PTPRG: variants seen among roughly 807,000 people sequenced by gnomAD.
PTPRG encodes the protein protein tyrosine phosphatase receptor type G.
PTPRG carries 102 observed loss-of-function variants against 165.3 expected under a neutral mutation model. That is an observed-to-expected ratio of 0.62 (90% CI 0.53 to 0.73). The LOEUF is 0.73. Among genes scored for constraint, PTPRG ranks in the 30% least tolerant of loss-of-function variants. The probability of loss-of-function intolerance (pLI) is 0.00; values close to 1 mark genes in which losing one functional copy is unlikely to be tolerated. For synonymous variants in PTPRG, 675 were observed against 669.5 expected (o/e 1.01, Z -0.13); for missense variants, 1,866 against 1,861.4 (o/e 1.00, Z -0.05).
intron 2 of PTPRG, among the ~76,000 whole-genome samples, chr3:61,801,456 T>C (rs2035238915): frequency 6.6e-6 from 1 of 151,624 alleles, no homozygotes; most frequent in African/African-American, 2.4e-5. Context: ...TACATAAATA[T>C]AATTTTTTTT....
At chr3:62,243,584 A>G (rs939426549) in intron 14 of PTPRG, 4 of 400,700 alleles carry the variant, frequency 1.0e-5, no homozygotes, top group Admixed American at 8.6e-5. Context: ...TTGAACTATC[A>G]GTTTGGATGC....
At chr3:61,657,510 A>T (rs960172538) in intron 1 of PTPRG, among the ~76,000 whole-genome samples, 7 of 152,118 alleles carry the variant, frequency 4.6e-5, no homozygotes, top group Admixed American at 3.3e-4. Flanking sequence ...CATGATGGTG[A>T]GCTCCTGTAG....
intron 2 of PTPRG, among the ~76,000 whole-genome samples, chr3:61,984,250 AG>A (rs1239247932): frequency 2.6e-5 from 4 of 152,226 alleles, no homozygotes; most frequent in Non-Finnish European, 5.9e-5. Context: ...AATGAGCTAT[AG>A]GTTAAGCTAA....
At chr3:61,931,607 T>C (rs1278120682) in intron 2 of PTPRG, among the ~76,000 whole-genome samples, 1 of 152,190 alleles carries the variant, frequency 6.6e-6, no homozygotes, top group Non-Finnish European at 1.5e-5. Flanking sequence ...AGAGCTGCCT[T>C]CCCACCCTCT....
At chr3:61,738,302 A>ATGTGTATATGTG (rs1559583352) in intron 1 of PTPRG, among the ~76,000 whole-genome samples, 1 of 81,518 alleles carries the variant, frequency 1.2e-5, no homozygotes, top group African/African-American at 4.6e-5. Context: ...ATATATATAT[A>ATGTGTATATGTG]TATATATATA....
chr3:61,830,004 A>G (rs1252080891), intron 2 of PTPRG, among the ~76,000 whole-genome samples: 1 of 152,228 alleles, frequency 6.6e-6, no homozygotes, highest in Non-Finnish European at 1.5e-5. Flanking sequence ...CTCACAGAAA[A>G]GAAGAGGAGA....
intron 1 of PTPRG, among the ~76,000 whole-genome samples, chr3:61,583,412 A>T (rs1281028555): frequency 6.6e-6 from 1 of 152,184 alleles, no homozygotes; most frequent in Non-Finnish European, 1.5e-5. Flanking sequence ...CATCTATAAG[A>T]TGGGATGATG....
At chr3:61,666,551 T>C (rs1292244986) in intron 1 of PTPRG, among the ~76,000 whole-genome samples, 6 of 152,138 alleles carry the variant, frequency 3.9e-5, no homozygotes, top group Non-Finnish European at 7.4e-5. Flanking sequence ...CCAGCCTTTG[T>C]AGGGTTGTGA....
chr3:62,156,139 C>T (rs1704529620), intron 6 of PTPRG, among the ~76,000 whole-genome samples: 2 of 152,196 alleles, frequency 1.3e-5, no homozygotes, highest in Non-Finnish European at 2.9e-5. Context: ...CCTTCCTGTC[C>T]CAGGGCCTTT....
At chr3:61,996,918 A>G (rs1362917133) in intron 3 of PTPRG, among the ~76,000 whole-genome samples, 5 of 152,198 alleles carry the variant, frequency 3.3e-5, no homozygotes, top group Admixed American at 2.6e-4. Flanking sequence ...CAAGTTCAGT[A>G]GTAGGAACTA....
At chr3:61,740,155 G>A (rs1470953174) in intron 1 of PTPRG, among the ~76,000 whole-genome samples, 1 of 152,170 alleles carries the variant, frequency 6.6e-6, no homozygotes, top group Non-Finnish European at 1.5e-5. Flanking sequence ...GAAAGTACAG[G>A]TCTGTGGCCT....
At chr3:62,202,619 G>GCTCCTGC (rs1198465403) in intron 11 of PTPRG, among the ~76,000 whole-genome samples, 1 of 152,194 alleles carries the variant, frequency 6.6e-6, no homozygotes, top group Admixed American at 6.5e-5. Context: ...GCAGAGCATG[G>GCTCCTGC]CTCCTGCCTC....
rs76580495 is a variant in PTPRG, at chr3:62,115,149, A to C, written c.616-17453A>C. Among the ~76,000 whole-genome samples, 851 of 152,170 alleles carry C rather than the reference A, an allele frequency of 5.6e-3. 12 individuals carry two copies. Among genetic ancestry groups the C allele is most frequent in the African/African-American group, 0.016 (656 of 41,508 alleles). ...CATGTTTCTCATCTCTTATCTTCCT[A>C]CCTCTTGATCCATACCTGAGTGACC... is the stretch of plus-strand genomic sequence containing the variant. On this transcript the variant is annotated intron_variant, in intron 5 of 29. Coordinates refer to ENST00000474889, the MANE Select transcript of PTPRG (RefSeq NM_002841.4).
In PTPRG at chr3:61,732,582, A is replaced by G. The variant is rs547807592; in HGVS notation, c.86-16296A>G. Among the ~76,000 whole-genome samples, 80 of 150,976 alleles carry G rather than the reference A, an allele frequency of 5.3e-4. 1 individual carries two copies. The highest frequency in any genetic ancestry group is 1.9e-3 in the African/African-American group (75 of 40,500). Reference sequence around the variant, plus strand: ...AAATTAGCCGCGCATGATGGCGAGCACCTGTAGTCCCAGCTACTCGGGAGG... The same window carrying G: ...AAATTAGCCGCGCATGATGGCGAGCGCCTGTAGTCCCAGCTACTCGGGAGG... On this transcript the variant is annotated intron_variant, in intron 1 of 29. Coordinates refer to ENST00000474889, the MANE Select transcript of PTPRG (RefSeq NM_002841.4).
At chr3:62,063,885 A>G (rs977633381) in intron 4 of PTPRG, among the ~76,000 whole-genome samples, 2 of 152,122 alleles carry the variant, frequency 1.3e-5, no homozygotes, top group African/African-American at 4.8e-5. Flanking sequence ...TAAAAGATAC[A>G]TGAAGAGTGA....
intron 6 of PTPRG, among the ~76,000 whole-genome samples, chr3:62,151,720 A>G (rs1704343816): frequency 6.6e-6 from 1 of 151,910 alleles, no homozygotes; most frequent in Non-Finnish European, 1.5e-5. Context: ...CTGGGACAGG[A>G]ATGTTTTGAA....
At chr3:61,605,531 C>G (rs917550866) in intron 1 of PTPRG, among the ~76,000 whole-genome samples, 10 of 151,932 alleles carry the variant, frequency 6.6e-5, no homozygotes, top group Non-Finnish European at 1.3e-4. Context: ...GCTAGGATTA[C>G]AGGTGTGAGC....
intron 5 of PTPRG, among the ~76,000 whole-genome samples, chr3:62,112,140 G>A (rs569541891): frequency 4.0e-4 from 60 of 151,254 alleles, no homozygotes; most frequent in African/African-American, 1.1e-3. Flanking sequence ...TCACTCTGTC[G>A]CCCACGCTGG....
intron 5 of PTPRG, among the ~76,000 whole-genome samples, chr3:62,110,089 C>CTTTTTTTTTTTTT (rs371457716): frequency 1.3e-5 from 1 of 79,962 alleles, no homozygotes; most frequent in Non-Finnish European, 2.3e-5. Context: ...GAAATAATGG[C>CTTTTTTTTTTTTT]TTTTTTTTTT....
Sources: allele counts gnomAD v4.1 joint callset (sites outside exome capture counted in the v4.1 genomes callset), GRCh38; gene constraint gnomAD v4.1.1; transcripts MANE v1.5; gene names NCBI Gene and HGNC (gene_info 2026-07-23, HGNC 2026-07-21).